The following TMEM131L variants were observed in gnomAD, a reference collection of about 807,000 sequenced individuals.
TMEM131L encodes the protein transmembrane 131 like.
In TMEM131L, 54 loss-of-function variants were observed where a neutral mutation model predicts 192.2. The observed-to-expected ratio is 0.28, with a 90% CI of 0.23 to 0.35. TMEM131L has a LOEUF of 0.35. Ranked by LOEUF, TMEM131L falls within the 10% of genes least tolerant of loss-of-function variation. TMEM131L has a pLI of 1.00. For synonymous variants in TMEM131L, 701 were observed against 704.9 expected (o/e 0.99, Z 0.09); for missense variants, 1,888 against 1,972.9 (o/e 0.96, Z 0.82).
In TMEM131L at chr4:153,489,711, C is replaced by T. The variant is rs1490036221; in HGVS notation, c.239+15823C>T. On this transcript the variant is annotated intron_variant, in intron 3 of 34. Transcript: ENST00000409959. ...CAGGCTGGTCTCAAACTCCTGACCTCATGGTCCACCCACCTTGGCCTCCCA... is the reference window on the plus strand; with the variant it reads ...CAGGCTGGTCTCAAACTCCTGACCTTATGGTCCACCCACCTTGGCCTCCCA... Among the ~76,000 whole-genome samples, 4 of 152,018 alleles carry T rather than the reference C, an allele frequency of 2.6e-5. No individual in the cohort carries two copies. In the East Asian group the frequency reaches 5.8e-4, roughly 22 times the overall value.
At chr4:153,486,591 T>C (rs1732347613) in intron 3 of TMEM131L, among the ~76,000 whole-genome samples, 1 of 152,236 alleles carries the variant, frequency 6.6e-6, no homozygotes, top group South Asian at 2.1e-4. Context: ...TTGGACTCTG[T>C]GTGCCGTGCA....
intron 3 of TMEM131L, among the ~76,000 whole-genome samples, chr4:153,527,588 C>T (rs1225755853): frequency 6.6e-6 from 1 of 152,138 alleles, no homozygotes; most frequent in East Asian, 1.9e-4. Flanking sequence ...TGAGTTTCTT[C>T]TCGTCTTTTT....
chr4:153,556,405 T>C (rs1311917494), intron 5 of TMEM131L, among the ~76,000 whole-genome samples: 1 of 152,194 alleles, frequency 6.6e-6, no homozygotes, highest in Non-Finnish European at 1.5e-5. Context: ...TCAAACTTAG[T>C]CTTCTAATAG....
At chr4:153,624,307 C>T (rs1300752663) in intron 29 of TMEM131L, among the ~76,000 whole-genome samples, 3 of 151,956 alleles carry the variant, frequency 2.0e-5, no homozygotes, top group South Asian at 2.1e-4. Flanking sequence ...TTAGTAGAGA[C>T]GGGGTTTCAT....
At chr4:153,553,151 C>T (rs1211551993) in intron 4 of TMEM131L, among the ~76,000 whole-genome samples, 1 of 152,028 alleles carries the variant, frequency 6.6e-6, no homozygotes, top group Non-Finnish European at 1.5e-5. Flanking sequence ...GACTTAGTTA[C>T]GTTTATATAA....
At chr4:153,557,255 G>A (rs554208335) in intron 6 of TMEM131L, among the ~76,000 whole-genome samples, 173 bp downstream of exon 6, 1 of 152,302 alleles carries the variant, frequency 6.6e-6, no homozygotes, top group African/African-American at 2.4e-5. Context: ...TGCCTGACAT[G>A]CCACAGTTGG....
Position 153,598,660 on chromosome 4 carries a change from G to A in TMEM131L, c.2194G>A (p.Gly732Arg). Reference protein sequence around the residue: ...FGARELLKVGGRLPGAGGSLR... With the variant: ...FGARELLKVGRRLPGAGGSLR... ...AGCAAGAGAGTTATTAAAAGTGGGTGGAAGACTTCCTGGTGCAGGAGGCTC... is the reference window on the plus strand; with the variant it reads ...AGCAAGAGAGTTATTAAAAGTGGGTAGAAGACTTCCTGGTGCAGGAGGCTC... The change falls in exon 21 of 35, where the codon GGA (glycine) becomes AGA (arginine). Residue 732 changes from glycine to arginine, a missense_variant. Transcript: ENST00000409959. The A allele has an allele frequency of 6.2e-7, 1 of 1,613,912 alleles. No individual in the cohort carries two copies. Among genetic ancestry groups the A allele is most frequent in the Non-Finnish European group, 8.5e-7 (1 of 1,179,868 alleles).
At chr4:153,480,773 T>G (rs1190031445) in intron 3 of TMEM131L, among the ~76,000 whole-genome samples, 1 of 152,206 alleles carries the variant, frequency 6.6e-6, no homozygotes, top group African/African-American at 2.4e-5. Flanking sequence ...AGAAGGAAGT[T>G]GAACATGGAT....
At position 153,501,451 on chromosome 4, in the gene TMEM131L, C is replaced by T. The variant is rs1580082469; in HGVS notation, c.239+27563C>T. 2.0e-5 allele frequency among the ~76,000 whole-genome samples: 3 copies of T among 152,100 alleles called. No homozygotes were observed. The East Asian group carries it at 5.8e-4, about 29-fold the overall frequency. ...GCTTGACCTCATGATCCGCCTGCCT[C>T]GGCCTCCCAAAGTGCTGGGATTACA... On this transcript the variant is annotated intron_variant, in intron 3 of 34. Transcript: ENST00000409959.
chr4:153,504,737 T>C (rs918401058), intron 3 of TMEM131L, among the ~76,000 whole-genome samples: 1 of 152,350 alleles, frequency 6.6e-6, no homozygotes, highest in Middle Eastern at 3.4e-3. Flanking sequence ...GTTATGAGAT[T>C]TGCTTTCACA....
chr4:153,500,684 C>G (rs766387803), intron 3 of TMEM131L, among the ~76,000 whole-genome samples: 26 of 152,292 alleles, frequency 1.7e-4, no homozygotes, highest in Non-Finnish European at 3.7e-4. Flanking sequence ...TCAATATACA[C>G]TTAAGTAATG....
rs540991174 is a variant in TMEM131L at position 153,550,561 on chromosome 4, C to T, written c.308+420C>T. On this transcript the variant is annotated intron_variant, in intron 4 of 34. Transcript: ENST00000409959. ...CAGGATGGTCTTGATCTCCTGACTTCGTGATCCGCCCGCCTCGGCCTCCCA... is the reference window on the plus strand; with the variant it reads ...CAGGATGGTCTTGATCTCCTGACTTTGTGATCCGCCCGCCTCGGCCTCCCA... Among the ~76,000 whole-genome samples the T allele has an allele frequency of 4.5e-4, 69 of 152,202 alleles. 1 individual carries two copies. Among genetic ancestry groups the T allele is most frequent in the African/African-American group, 1.4e-3 (58 of 41,534 alleles).
chr4:153,549,965 G>C (rs551451276), intron 3 of TMEM131L, 108 bp from the exon 4 acceptor site: 2 of 468,078 alleles, frequency 4.3e-6, no homozygotes, highest in African/African-American at 4.1e-5. Flanking sequence ...ATCTATGAGG[G>C]AGTAAAATTA....
intron 7 of TMEM131L, among the ~76,000 whole-genome samples, chr4:153,576,029 G>A (rs933269042): frequency 4.0e-5 from 6 of 151,240 alleles, no homozygotes; most frequent in African/African-American, 9.7e-5. Flanking sequence ...GCCCGATCTC[G>A]GCTCACTGCA....
chr4:153,631,597 A>T (rs1442246095), intron 31 of TMEM131L, among the ~76,000 whole-genome samples: 1 of 152,200 alleles, frequency 6.6e-6, no homozygotes, highest in Non-Finnish European at 1.5e-5. Flanking sequence ...ATATGTTCCG[A>T]GGCTTTTGCT....
intron 7 of TMEM131L, among the ~76,000 whole-genome samples, chr4:153,568,173 T>G (rs995132289): frequency 6.6e-6 from 1 of 152,128 alleles, no homozygotes; most frequent in Admixed American, 6.5e-5. Flanking sequence ...TTCTGTGGAA[T>G]GGGAACTTGG....
At chr4:153,494,136 C>G (rs1009412596) in intron 3 of TMEM131L, among the ~76,000 whole-genome samples, 1 of 151,988 alleles carries the variant, frequency 6.6e-6, no homozygotes, top group African/African-American at 2.4e-5. Context: ...CCAGTAGTAC[C>G]TATCTCGTAA....
chr4:153,598,553 TG>T, intron 20 of TMEM131L, 36 bp from the exon 21 acceptor site: 1 of 1,575,840 alleles, frequency 6.3e-7, no homozygotes, highest in Non-Finnish European at 8.7e-7. Context: ...TGTGACTCCA[TG>T]TAATGCCTTT....
At chr4:153,556,731 C>G (rs1318891986) in intron 5 of TMEM131L, among the ~76,000 whole-genome samples, 1 of 152,214 alleles carries the variant, frequency 6.6e-6, no homozygotes, top group East Asian at 1.9e-4. Context: ...GTGAGACTCA[C>G]AGCTCCAGTC....
Sources: allele counts gnomAD v4.1 joint callset (sites outside exome capture counted in the v4.1 genomes callset), GRCh38; gene constraint gnomAD v4.1.1; transcripts MANE v1.5; gene names NCBI Gene and HGNC (gene_info 2026-07-23, HGNC 2026-07-21).